Variants in ZNF157 observed in about 807,000 individuals in gnomAD.
ZNF157 encodes zinc finger protein 22.
Under a neutral mutation model 9.4 loss-of-function variants are expected in ZNF157, and 8 were observed. The observed-to-expected ratio is 0.85, with a 90% confidence interval of 0.50 to 1.53. The LOEUF is 1.53. ZNF157 is among the 40% of genes most tolerant of loss of function. The probability of loss-of-function intolerance (pLI) is 0.00; values close to 1 mark genes in which losing one functional copy is unlikely to be tolerated. For missense variants in ZNF157, 316 were observed against 385.2 expected, an observed-to-expected ratio of 0.82 and a Z score of 1.50; for synonymous variants, 120 against 130.8, an observed-to-expected ratio of 0.92 and a Z score of 0.56.
chrX:47,410,095 A>C (rs2055959544), intron 1 of ZNF157, among the ~76,000 whole-genome samples, 181 bp from the exon 2 acceptor site: 1 of 111,656 alleles, frequency 9.0e-6, no homozygotes, highest in South Asian at 3.7e-4. Context: ...TTAATAAATT[A>C]ACACAGTAAC....
At chrX:47,400,250 C>T (rs1268312923) in intron 1 of ZNF157, among the ~76,000 whole-genome samples, 1 of 111,102 alleles carries the variant, frequency 9.0e-6, no homozygotes, top group Admixed American at 9.7e-5. Flanking sequence ...GCCTGCCTGC[C>T]TTGGCCTCCC....
intron 1 of ZNF157, among the ~76,000 whole-genome samples, chrX:47,378,122 C>T (rs971864086): frequency 3.6e-5 from 4 of 110,548 alleles, no homozygotes; most frequent in Non-Finnish European, 5.7e-5. Context: ...AGTTGGGGAT[C>T]GGAGTTTTTA....
At chrX:47,386,026 T>C in intron 1 of ZNF157, among the ~76,000 whole-genome samples, 1 of 111,179 alleles carries the variant, frequency 9.0e-6, no homozygotes, top group Non-Finnish European at 1.9e-5. Flanking sequence ...GCTTGTTCTC[T>C]TCTGTGTCCA....
Position 47,389,767 on chromosome X carries a change from G to T in ZNF157, c.72+19027G>T, listed in dbSNP as rs769999960. On this transcript the variant is annotated intron_variant, in intron 1 of 3. Transcript: ENST00000377073. The stretch of plus-strand genomic sequence containing the variant: ...AATACAAAAATTATCTGGGTGTAGT[G>T]GCACATGCCTGTAGTACCAGCTACT... Among the ~76,000 whole-genome samples, 9 of 111,414 alleles carry T rather than the reference G, an allele frequency of 8.1e-5. No individual in the cohort carries two copies. In the East Asian group the frequency reaches 2.6e-3, roughly 32 times the overall value.
chrX:47,383,146 G>A (rs780327012), intron 1 of ZNF157, among the ~76,000 whole-genome samples: 2 of 108,489 alleles, frequency 1.8e-5, no homozygotes, highest in African/African-American at 3.3e-5. Flanking sequence ...CGAGGTGGGC[G>A]GATCACAAGG....
At chrX:47,389,200 A>T (rs1829627030) in intron 1 of ZNF157, among the ~76,000 whole-genome samples, 1 of 109,807 alleles carries the variant, frequency 9.1e-6, no homozygotes, top group Non-Finnish European at 1.9e-5. Flanking sequence ...TTTTTCATTA[A>T]TTTTTTTTCT....
chrX:47,406,360 TTC>T (rs200438396), intron 1 of ZNF157, among the ~76,000 whole-genome samples: 2 of 109,210 alleles, frequency 1.8e-5, no homozygotes, highest in Non-Finnish European at 3.8e-5. Context: ...CTGTATTTCT[TTC>T]TCTCTCTCTC....
At position 47,413,092 on chromosome X, in the gene ZNF157, G is replaced by A. The variant is rs201327488; in HGVS notation, c.1019G>A (p.Arg340Gln). 1.7e-5 allele frequency: 20 copies of A among 1,210,523 alleles called. No homozygotes were observed. The highest frequency in any genetic ancestry group is 2.3e-4 in the Middle Eastern group (1 of 4,354). ...TGTGGTGAATGTGGGAAATTCTTCC[G>A]AATGAAGATGACTCTCAATAATCAT... The part of the protein sequence containing the change: ...YECGECGKFF[R>Q]MKMTLNNHQR... The change falls in exon 4 of 4, where the codon CGA becomes CAA. Residue 340 changes from arginine to glutamine, a missense_variant. By Grantham distance (43) the Arg-to-Gln change is conservative. This residue lies in a region of ZNF157 where 167 missense variants were observed against 183.6 expected (regional missense o/e 0.91). Coordinates refer to ENST00000377073, the MANE Select transcript of ZNF157 (RefSeq NM_003446.4).
intron 1 of ZNF157, chrX:47,390,198 G>A (rs1268178757): frequency 9.0e-6 from 1 of 111,467 alleles, no homozygotes; most frequent in Non-Finnish European, 1.9e-5. Context: ...ATATCCAGAT[G>A]ACTAGAAATG....
chrX:47,387,878 C>G (rs1297246086), intron 1 of ZNF157, among the ~76,000 whole-genome samples: 2 of 63,545 alleles, frequency 3.1e-5, no homozygotes, highest in African/African-American at 6.0e-5. Context: ...CAGAGCAAGA[C>G]TCTGTCTCAA....
chrX:47,389,802 G>A (rs1485564309), intron 1 of ZNF157, among the ~76,000 whole-genome samples: 1 of 111,670 alleles, frequency 9.0e-6, no homozygotes, highest in African/African-American at 3.3e-5. Context: ...TTGGGAGGTT[G>A]AGGTGAGAGT....
chrX:47,384,473 A>G (rs180983143), intron 1 of ZNF157, among the ~76,000 whole-genome samples: 1 of 112,032 alleles, frequency 8.9e-6, no homozygotes, highest in Admixed American at 9.6e-5. Flanking sequence ...CATCTCTTTT[A>G]CCTCAATGTA....
At chrX:47,393,230 C>T (rs1481345456) in intron 1 of ZNF157, among the ~76,000 whole-genome samples, 1 of 111,788 alleles carries the variant, frequency 8.9e-6, no homozygotes, top group Non-Finnish European at 1.9e-5. Flanking sequence ...GCGGTTCTGC[C>T]CTTGGAGTCA....
intron 1 of ZNF157, among the ~76,000 whole-genome samples, chrX:47,402,600 T>C (rs2055933747): frequency 9.5e-6 from 1 of 105,474 alleles, no homozygotes; most frequent in Admixed American, 1.0e-4. Flanking sequence ...AGTGCAGTGG[T>C]ATGATCTCAG....
rs201905209 is a variant in ZNF157, at chrX:47,382,838, G to A, written c.72+12098G>A. Among the ~76,000 whole-genome samples, 29 of 109,946 alleles carry A rather than the reference G, an allele frequency of 2.6e-4. No homozygotes were observed. The East Asian group carries it at 7.5e-3, about 28-fold the overall frequency. On this transcript the variant is annotated intron_variant, in intron 1 of 3. Transcript: ENST00000377073. Reference sequence around the variant, plus strand: ...CCTATGATATTCACCCACTGAATATGCCCATTACCCAGGCCATATTCAGCT... The same window carrying A: ...CCTATGATATTCACCCACTGAATATACCCATTACCCAGGCCATATTCAGCT...
intron 1 of ZNF157, among the ~76,000 whole-genome samples, chrX:47,377,233 C>T (rs1421810843): frequency 9.5e-6 from 1 of 105,800 alleles, no homozygotes; most frequent in Admixed American, 1.0e-4. Flanking sequence ...CTACCCCTGC[C>T]CCCCACCCCA....
chrX:47,373,279 C>T (rs1012901397), intron 1 of ZNF157, among the ~76,000 whole-genome samples: 1 of 110,959 alleles, frequency 9.0e-6, no homozygotes, highest in Non-Finnish European at 1.9e-5. Flanking sequence ...ACTGTCTGGG[C>T]CGGTGGCTCA....
At chrX:47,372,119 CTAAAGT>C (rs1406267564) in intron 1 of ZNF157, among the ~76,000 whole-genome samples, 1 of 110,945 alleles carries the variant, frequency 9.0e-6, no homozygotes, top group East Asian at 2.8e-4. Flanking sequence ...CTCGGAATCT[CTAAAGT>C]ACTAAAGTGT....
chrX:47,409,595 G>A (rs1229506973), intron 1 of ZNF157, among the ~76,000 whole-genome samples: 4 of 107,802 alleles, frequency 3.7e-5, no homozygotes, highest in East Asian at 5.8e-4. Flanking sequence ...CGCCTGCCTC[G>A]GCCTCCCAAA....
Sources: allele counts gnomAD v4.1 joint callset (sites outside exome capture counted in the v4.1 genomes callset), GRCh38; gene constraint gnomAD v4.1.1; regional missense constraint gnomAD v4.1.1; transcripts MANE v1.5; gene names NCBI Gene and HGNC (gene_info 2026-07-23, HGNC 2026-07-21).